TEAD1: variants seen among roughly 807,000 people sequenced by gnomAD.
TEAD1 encodes TEA domain transcription factor 1.
Under a neutral mutation model 54.9 loss-of-function variants are expected in TEAD1, and 9 were observed. The ratio of observed to expected loss-of-function variants is 0.16; its 90% confidence interval spans 0.10 to 0.29. The LOEUF (loss-of-function observed/expected upper bound fraction) is 0.29, where lower values mean the gene tolerates loss of function less well. TEAD1 is among the 10% of genes least tolerant of loss of function. The probability of loss-of-function intolerance (pLI) is 1.00; values close to 1 mark genes in which losing one functional copy is unlikely to be tolerated. For missense variants in TEAD1, 387 were observed against 535.9 expected (o/e 0.72, Z 2.74); for synonymous variants, 200 against 187.8 (o/e 1.07, Z -0.53).
At chr11:12,811,526 G>A (rs1254054149) in intron 3 of TEAD1, among the ~76,000 whole-genome samples, 1 of 152,184 alleles carries the variant, frequency 6.6e-6, no homozygotes, top group Non-Finnish European at 1.5e-5. Context: ...TTTCCTACAA[G>A]GTCTTCTCCA....
rs959386025 is a variant in TEAD1, at chr11:12,940,645, T to A, written c.*3423T>A. On this transcript the variant is annotated 3_prime_UTR_variant, in exon 13 of 13. Coordinates refer to ENST00000527636, the MANE Select transcript of TEAD1 (RefSeq NM_021961.6). ...AGTTGGGAACAGCTGGTCACCATCA[T>A]CCCTTTAATCAACTCACACCTGTTT... 1.3e-5 allele frequency: 2 copies of A among 152,192 alleles called. No individual in the cohort carries two copies. The highest frequency in any genetic ancestry group is 2.9e-5 in the Non-Finnish European group (2 of 68,032). 9.4% of individuals were successfully genotyped at this position (152,192 alleles called of 1,614,324 possible).
chr11:12,690,112 C>T (rs150492443), intron 2 of TEAD1, among the ~76,000 whole-genome samples: 6 of 151,742 alleles, frequency 4.0e-5, no homozygotes, highest in African/African-American at 1.5e-4. Flanking sequence ...GTGGTGGCGG[C>T]CGCCTGTAGT....
chr11:12,852,366 C>T (rs117218637), intron 3 of TEAD1, among the ~76,000 whole-genome samples: 304 of 151,986 alleles, frequency 2.0e-3, no homozygotes, highest in Non-Finnish European at 3.7e-3. Context: ...ATGGTGGGCG[C>T]CTGAGAGCCT....
intron 2 of TEAD1, among the ~76,000 whole-genome samples, chr11:12,703,119 C>T (rs558887039): frequency 1.2e-4 from 19 of 152,268 alleles, no homozygotes; most frequent in East Asian, 1.2e-3. Flanking sequence ...AACCAATGAG[C>T]GCATTCCCCT....
rs116248787 is a variant in TEAD1 at position 12,937,468 on chromosome 11, A to G, written c.*246A>G. 2.2e-3 allele frequency: 830 copies of G among 370,956 alleles called. 6 individuals carry two copies. Among genetic ancestry groups the G allele is most frequent in the African/African-American group, 0.015 (725 of 48,732 alleles). 23.0% of individuals were successfully genotyped at this position (370,956 alleles called of 1,614,324 possible). Reference sequence around the variant, plus strand: ...AAAAGAGAAATTGAGTTGTTTCTCTATGTTCTTCAGATGTGCAGCCCACAA... The same window carrying G: ...AAAAGAGAAATTGAGTTGTTTCTCTGTGTTCTTCAGATGTGCAGCCCACAA... On this transcript the variant is annotated 3_prime_UTR_variant, in exon 13 of 13. Coordinates refer to ENST00000527636, the MANE Select transcript of TEAD1 (RefSeq NM_021961.6).
chr11:12,746,245 T>C lies in TEAD1; in HGVS notation c.-54-17934T>C, dbSNP rs1944743627. 2.0e-5 allele frequency among the ~76,000 whole-genome samples: 3 copies of C among 152,338 alleles called. 1 individual carries two copies. The East Asian group carries it at 5.8e-4, about 29-fold the overall frequency. On this transcript the variant is annotated intron_variant, in intron 2 of 12. Coordinates refer to ENST00000527636, the MANE Select transcript of TEAD1 (RefSeq NM_021961.6). ...GGAAGAAGAAAAAATAATGAATAAA[T>C]GCTTTTTATTAGCCTTTTCCCTCCC...
intron 3 of TEAD1, among the ~76,000 whole-genome samples, chr11:12,821,528 A>G (rs527239282): frequency 3.9e-5 from 6 of 152,214 alleles, no homozygotes; most frequent in Non-Finnish European, 7.3e-5. Flanking sequence ...CTTTTTATCT[A>G]TTAAATGGGA....
intron 9 of TEAD1, among the ~76,000 whole-genome samples, chr11:12,884,889 G>C (rs778051136): frequency 3.5e-4 from 53 of 152,212 alleles, no homozygotes; most frequent in Non-Finnish European, 7.1e-4. Flanking sequence ...TGTCCTGCTG[G>C]TTCTTTCTGG....
chr11:12,878,763 A>G (rs549545769), intron 5 of TEAD1: 2 of 453,614 alleles, frequency 4.4e-6, no homozygotes, highest in Non-Finnish European at 6.6e-6. Flanking sequence ...CCCAAGTATT[A>G]TATGTTTGTG....
At chr11:12,786,295 C>T (rs1945675419) in intron 3 of TEAD1, among the ~76,000 whole-genome samples, 1 of 152,134 alleles carries the variant, frequency 6.6e-6, no homozygotes, top group South Asian at 2.1e-4. Context: ...CTAAAGCTGG[C>T]AGAACCCAGA....
intron 2 of TEAD1, among the ~76,000 whole-genome samples, chr11:12,744,533 G>A (rs780908226): frequency 6.6e-5 from 10 of 152,182 alleles, no homozygotes; most frequent in Non-Finnish European, 1.0e-4. Flanking sequence ...AATAATTAGT[G>A]TAAGAAAGGA....
intron 4 of TEAD1, 156 bp from the exon 5 acceptor site, chr11:12,864,682 G>A (rs772345496): frequency 6.7e-7 from 1 of 1,503,464 alleles, no homozygotes; most frequent in Non-Finnish European, 8.9e-7. Flanking sequence ...CCCGAACAAT[G>A]TAGGTGTCTA....
chr11:12,770,969 A>G (rs1024639583), intron 3 of TEAD1, among the ~76,000 whole-genome samples: 20 of 152,212 alleles, frequency 1.3e-4, no homozygotes, highest in Non-Finnish European at 2.6e-4. Flanking sequence ...CCCTTGGAGA[A>G]TCTGTGGAAA....
intron 3 of TEAD1, among the ~76,000 whole-genome samples, chr11:12,766,299 G>A (rs776263117): frequency 6.6e-6 from 1 of 152,106 alleles, no homozygotes. Context: ...CAGCAGCCCT[G>A]GTGGATTTAA....
chr11:12,710,478 A>G (rs1326585963), intron 2 of TEAD1, among the ~76,000 whole-genome samples: 1 of 152,214 alleles, frequency 6.6e-6, no homozygotes, highest in East Asian at 1.9e-4. Flanking sequence ...GTATAGTTAT[A>G]CCAGTAAATG....
At chr11:12,710,875 T>G (rs1393713905) in intron 2 of TEAD1, among the ~76,000 whole-genome samples, 1 of 151,628 alleles carries the variant, frequency 6.6e-6, no homozygotes, top group Non-Finnish European at 1.5e-5. Flanking sequence ...AGAGAGTGAG[T>G]GCTAGCGTCT....
intron 3 of TEAD1, among the ~76,000 whole-genome samples, chr11:12,849,751 T>C (rs1947230137): frequency 6.6e-6 from 1 of 152,254 alleles, no homozygotes; most frequent in Non-Finnish European, 1.5e-5. Context: ...ATACAGTCTG[T>C]CACAAATTTT....
At chr11:12,778,529 CTTTTTTTTTTT>C (rs775536398) in intron 3 of TEAD1, among the ~76,000 whole-genome samples, 1 of 125,810 alleles carries the variant, frequency 7.9e-6, no homozygotes. Flanking sequence ...TCATCAGACT[CTTTTTTTTTTT>C]TTTTTTTTTT....
chr11:12,783,131 T>TGC (rs1554933035), intron 3 of TEAD1, among the ~76,000 whole-genome samples: 58 of 148,372 alleles, frequency 3.9e-4, no homozygotes, highest in Middle Eastern at 6.8e-3. Context: ...TGTGTGTGTG[T>TGC]GTGCGCGCAC....
Sources: allele counts gnomAD v4.1 joint callset (sites outside exome capture counted in the v4.1 genomes callset), GRCh38; gene constraint gnomAD v4.1.1; transcripts MANE v1.5; gene names NCBI Gene and HGNC (gene_info 2026-07-23, HGNC 2026-07-21).